The following WDR49 variants were observed in gnomAD, a reference collection of about 807,000 sequenced individuals.
The protein encoded by WDR49 is WD repeat domain 49.
WDR49 carries 107 observed loss-of-function variants against 119.5 expected under a neutral mutation model. The ratio of observed to expected loss-of-function variants is 0.90; its 90% CI spans 0.77 to 1.05. The LOEUF (loss-of-function observed/expected upper bound fraction) is 1.05, where lower values mean the gene tolerates loss of function less well. Among genes scored for constraint, WDR49 ranks in the 50% least tolerant of loss-of-function variants. The pLI is 0.00. For synonymous variants in WDR49, 425 were observed against 418.8 expected, an observed-to-expected ratio of 1.01 and a Z score of -0.18; for missense variants, 1,240 against 1,220.5, an observed-to-expected ratio of 1.02 and a Z score of -0.24.
At chr3:167,520,649 A>T (rs1470387886) in intron 16 of WDR49, among the ~76,000 whole-genome samples, 1 of 152,158 alleles carries the variant, frequency 6.6e-6, no homozygotes, top group Non-Finnish European at 1.5e-5. Flanking sequence ...CTAAAGGGGA[A>T]TTTTTTTCTT....
intron 7 of WDR49, among the ~76,000 whole-genome samples, chr3:167,597,399 C>T (rs1577265273): frequency 6.6e-6 from 1 of 152,320 alleles, no homozygotes; most frequent in Admixed American, 6.5e-5. Flanking sequence ...AAGTGGGCTG[C>T]AGGGAGCCCT....
chr3:167,554,638 T>C lies in WDR49; in HGVS notation c.1823+12A>G, dbSNP rs1464286627. On this transcript the variant is annotated intron_variant, in intron 10 of 18. Transcript: ENST00000682715. ...TAGATTTTGATTAAAATAAAAACAT[T>C]CTCCTTTTTACCTTCCTATAGTTTT... is the stretch of plus-strand genomic sequence containing the variant. The C allele has an allele frequency of 2.1e-6, 3 of 1,423,146 alleles. No homozygotes were observed. In the Admixed American group the frequency reaches 6.4e-5, roughly 30 times the overall value. The allele number at this position is 1,423,146 out of a possible 1,614,324, so 88.2% of individuals were successfully genotyped here. A position where few individuals can be genotyped will look rare whatever the true frequency, so the allele number is the denominator to read the frequency against.
At chr3:167,540,150 T>C (rs1317618956) in intron 10 of WDR49, among the ~76,000 whole-genome samples, 1 of 152,138 alleles carries the variant, frequency 6.6e-6, no homozygotes, top group Non-Finnish European at 1.5e-5. Context: ...AAACAACAGC[T>C]AATCCCACTG....
intron 12 of WDR49, among the ~76,000 whole-genome samples, chr3:167,532,428 G>A (rs1192821153): frequency 1.3e-5 from 2 of 152,044 alleles, no homozygotes; most frequent in Non-Finnish European, 2.9e-5. Flanking sequence ...TGTTCCTCAT[G>A]GGCTTCTAAA....
chr3:167,605,526 C>T (rs1471073498), intron 5 of WDR49, among the ~76,000 whole-genome samples: 2 of 151,776 alleles, frequency 1.3e-5, no homozygotes, highest in South Asian at 2.1e-4. Context: ...ATTATATGGC[C>T]CCAAACTTGG....
At chr3:167,592,425 CTT>C (rs924461868) in intron 7 of WDR49, among the ~76,000 whole-genome samples, 5 of 144,374 alleles carry the variant, frequency 3.5e-5, no homozygotes, top group Admixed American at 1.4e-4. Context: ...TAGATGATTT[CTT>C]TTTCTTTTTC....
At chr3:167,503,399 G>A (rs1026344745) in intron 17 of WDR49, among the ~76,000 whole-genome samples, 1 of 152,304 alleles carries the variant, frequency 6.6e-6, no homozygotes, top group African/African-American at 2.4e-5. Context: ...AAATGGCGGT[G>A]GGCCACTTCC....
chr3:167,499,018 G>T (rs796867829), intron 18 of WDR49, among the ~76,000 whole-genome samples: 1 of 152,112 alleles, frequency 6.6e-6, no homozygotes, highest in East Asian at 1.9e-4. Flanking sequence ...TTATGGCTTC[G>T]TTTTTAAGAG....
At chr3:167,611,075 C>T (rs1270060370) in intron 5 of WDR49, among the ~76,000 whole-genome samples, 1 of 152,174 alleles carries the variant, frequency 6.6e-6, no homozygotes, top group East Asian at 1.9e-4. Context: ...GCTGTGTAAA[C>T]TACTCTTATC....
intron 8 of WDR49, among the ~76,000 whole-genome samples, chr3:167,572,033 T>C (rs929202051): frequency 1.3e-5 from 2 of 152,228 alleles, no homozygotes; most frequent in Non-Finnish European, 2.9e-5. Context: ...AAATACATGT[T>C]TTAAAGTTTC....
chr3:167,541,908 AT>A (rs1327664438), intron 10 of WDR49, among the ~76,000 whole-genome samples: 2 of 152,012 alleles, frequency 1.3e-5, no homozygotes, highest in African/African-American at 4.8e-5. Context: ...CTATTCTTAT[AT>A]CAGACAAAAC....
At chr3:167,621,770 C>T (rs1716882612) in intron 3 of WDR49, 127 bp from the exon 4 acceptor site, 3 of 896,642 alleles carry the variant, frequency 3.3e-6, no homozygotes, top group South Asian at 4.1e-5. Context: ...AACAGTATTA[C>T]AGAAGTTAAG....
chr3:167,498,652 A>T (rs1016583321), intron 18 of WDR49, among the ~76,000 whole-genome samples: 9 of 152,166 alleles, frequency 5.9e-5, no homozygotes, highest in African/African-American at 2.2e-4. Context: ...CTCTTAGGTT[A>T]AAAAAGAGTT....
chr3:167,566,971 G>T, intron 8 of WDR49: 1 of 585,900 alleles, frequency 1.7e-6, no homozygotes, highest in Non-Finnish European at 3.1e-6. Context: ...GAGGTGGAAA[G>T]GGAGGCAGGA....
At chr3:167,598,543 C>T (rs1715606720) in intron 7 of WDR49, among the ~76,000 whole-genome samples, 1 of 152,028 alleles carries the variant, frequency 6.6e-6, no homozygotes, top group Non-Finnish European at 1.5e-5. Context: ...TGGTGGTTCC[C>T]CCACCCCACT....
intron 16 of WDR49, among the ~76,000 whole-genome samples, chr3:167,517,665 A>G (rs1752268480): frequency 6.6e-6 from 1 of 151,544 alleles, no homozygotes; most frequent in Non-Finnish European, 1.5e-5. Flanking sequence ...CTAAAAATTG[A>G]CCAATGAGAT....
chr3:167,544,065 C>CAA (rs201464799), intron 10 of WDR49, among the ~76,000 whole-genome samples: 2,253 of 143,960 alleles, frequency 0.016, 23 homozygotes, highest in Non-Finnish European at 0.023. Flanking sequence ...AAGACAGCTG[C>CAA]AAAAAAAAAA....
intron 7 of WDR49, among the ~76,000 whole-genome samples, chr3:167,601,683 G>T (rs1416274226): frequency 1.3e-5 from 2 of 151,964 alleles, no homozygotes; most frequent in Admixed American, 6.6e-5. Flanking sequence ...TAATTAAAAG[G>T]TTCTTAATGT....
At chr3:167,604,047 C>G (rs1474266382) in intron 6 of WDR49, among the ~76,000 whole-genome samples, 1 of 151,918 alleles carries the variant, frequency 6.6e-6, no homozygotes, top group African/African-American at 2.4e-5. Flanking sequence ...ATTTTACACC[C>G]TTCACCAATT....
Sources: gnomAD v4.1 joint callset for allele counts (sites outside exome capture counted in the v4.1 genomes callset) on GRCh38, gnomAD v4.1.1 for gene constraint, MANE v1.5 for transcripts, NCBI Gene and HGNC (gene_info 2026-07-23, HGNC 2026-07-21) for gene names.